PTCHD1: variants seen among roughly 807,000 people sequenced by gnomAD.
The protein encoded by PTCHD1 is patched domain containing 1.
PTCHD1 carries 3 observed loss-of-function variants against 34.6 expected under a neutral mutation model. The observed-to-expected ratio is 0.09, with a 90% CI of 0.04 to 0.22. PTCHD1 has a LOEUF of 0.22. Ranked by LOEUF, PTCHD1 falls within the 10% of genes least tolerant of loss-of-function variation. PTCHD1 has a pLI of 1.00. For synonymous variants in PTCHD1, 305 were observed against 283.1 expected, an observed-to-expected ratio of 1.08 and a Z score of -0.77; for missense variants, 504 against 685.5, an observed-to-expected ratio of 0.74 and a Z score of 2.96.
Position 23,400,596 on chromosome X carries a change from A to C in PTCHD1, c.*6411A>C, listed in dbSNP as rs1923093066. On this transcript the variant is annotated 3_prime_UTR_variant, in exon 3 of 3. Coordinates refer to ENST00000379361, the MANE Select transcript of PTCHD1 (RefSeq NM_173495.3). ...GGGGGAAGTTGGAAAATAAATGACT[A>C]TACTGTACTTGTTGGCTCTGCTGCT... The C allele has an allele frequency of 8.9e-6, 1 of 112,531 alleles. No individual in the cohort carries two copies. The highest frequency in any genetic ancestry group is 1.9e-5 in the Non-Finnish European group (1 of 53,316). The allele number at this position is 112,531 out of a possible 1,213,427, so 9.3% of individuals were successfully genotyped here.
intron 1 of PTCHD1, among the ~76,000 whole-genome samples, chrX:23,375,530 C>T (rs1046284503): frequency 8.6e-5 from 9 of 104,846 alleles, no homozygotes; most frequent in African/African-American, 3.2e-4. Flanking sequence ...CCGCCCGCCT[C>T]GGCCTCCCAA....
intron 1 of PTCHD1, among the ~76,000 whole-genome samples, chrX:23,361,288 C>T (rs1487198813): frequency 1.8e-5 from 2 of 111,542 alleles, no homozygotes; most frequent in Non-Finnish European, 3.8e-5. Flanking sequence ...GAGTCTAAGT[C>T]TCTTTGTAGG....
rs1216939069 is a variant in PTCHD1, at chrX:23,403,563, TAAACTC to T, written c.*9379_*9384del. ...AATACTTTGCAGCAAGGGGCATTAA[TAAACTC>T]TAATTTTTACCGAAAGTCAAGAGAC... On this transcript the variant is annotated 3_prime_UTR_variant, in exon 3 of 3. Coordinates refer to ENST00000379361, the MANE Select transcript of PTCHD1 (RefSeq NM_173495.3). The T allele has an allele frequency of 2.7e-5, 3 of 111,720 alleles. No homozygotes were observed. Among genetic ancestry groups the T allele is most frequent in the African/African-American group, 9.8e-5 (3 of 30,712 alleles). The allele number at this position is 111,720 out of a possible 1,213,427, so 9.2% of individuals were successfully genotyped here. A position where few individuals can be genotyped will look rare whatever the true frequency, so the allele number is the denominator to read the frequency against.
In PTCHD1 at chrX:23,387,935, G is replaced by A. The variant is rs774142926; in HGVS notation, c.1013-4596G>A. Among the ~76,000 whole-genome samples, 5 of 111,713 alleles carry A rather than the reference G, an allele frequency of 4.5e-5. No individual in the cohort carries two copies. In the East Asian group the frequency reaches 8.4e-4, roughly 19 times the overall value. ...AATCAGTATGTGTTTAACAGTTCCC[G>A]TTGGCAACTCCTCAGTCCTGCACTG... On this transcript the variant is annotated intron_variant, in intron 2 of 2. Transcript: ENST00000379361.
At chrX:23,370,473 G>T (rs1462715055) in intron 1 of PTCHD1, among the ~76,000 whole-genome samples, 1 of 112,250 alleles carries the variant, frequency 8.9e-6, no homozygotes, top group Non-Finnish European at 1.9e-5. Flanking sequence ...CAGTAGCTTT[G>T]TATGAGAACC....
chrX:23,342,296 ATATATATATATATATTTTTTTTTTT>A (rs1237369836), intron 1 of PTCHD1, among the ~76,000 whole-genome samples: 2 of 13,155 alleles, frequency 1.5e-4, no homozygotes, highest in African/African-American at 7.4e-4. Context: ...ATATATATAT[ATATATATATATATATTTTTTTTTTT>A]TTTTTTTTTT....
rs1921343980 is a variant in PTCHD1 at position 23,342,292 on chromosome X, ATATATAT to A, written c.351+7067_351+7073del. Among the ~76,000 whole-genome samples the A allele has an allele frequency of 4.2e-4, 3 of 7,065 alleles. No individual in the cohort carries two copies. The Admixed American group carries it at 9.9e-3, about 23-fold the overall frequency. 6.1% of individuals were successfully genotyped at this position (7,065 alleles called of 115,157 possible). On this transcript the variant is annotated intron_variant, in intron 1 of 2. Coordinates refer to ENST00000379361, the MANE Select transcript of PTCHD1 (RefSeq NM_173495.3). ...TATATATATATATATATATATATAT[ATATATAT>A]ATATATATATATTTTTTTTTTTTTT...
intron 1 of PTCHD1, among the ~76,000 whole-genome samples, chrX:23,355,034 G>A (rs1230386075): frequency 9.5e-6 from 1 of 105,011 alleles, no homozygotes; most frequent in Non-Finnish European, 2.0e-5. Context: ...CTTTTTTGGG[G>A]GGAGGGGGGA....
chrX:23,381,557 G>A (rs375136694), intron 2 of PTCHD1, among the ~76,000 whole-genome samples: 10 of 112,028 alleles, frequency 8.9e-5, no homozygotes, highest in East Asian at 8.4e-4. Flanking sequence ...GGAAATCTCC[G>A]CTGTGTTGTG....
At chrX:23,358,510 T>C (rs1341532232) in intron 1 of PTCHD1, among the ~76,000 whole-genome samples, 3 of 112,292 alleles carry the variant, frequency 2.7e-5, no homozygotes, top group Non-Finnish European at 5.6e-5. Flanking sequence ...TTTTTTCTTG[T>C]AAATTTGTTT....
chrX:23,371,041 G>A (rs944537904), intron 1 of PTCHD1, among the ~76,000 whole-genome samples: 1 of 110,922 alleles, frequency 9.0e-6, no homozygotes, highest in Non-Finnish European at 1.9e-5. Context: ...ACTGACGAAA[G>A]CTCAGGTAGG....
chrX:23,334,451 T>A (rs1921088512), upstream of PTCHD1: 1 of 108,900 alleles, frequency 9.2e-6, no homozygotes, highest in Non-Finnish European at 1.9e-5. Context: ...GTCGTTGGCC[T>A]TGGGGGTCGG....
rs780335343 is a variant in PTCHD1, at chrX:23,335,060, T to C, written c.185T>C (p.Leu62Pro). The change falls in exon 1 of 3, where the codon CTG becomes CCG. Residue 62 changes from leucine to proline, a missense_variant. Coordinates refer to ENST00000379361, the MANE Select transcript of PTCHD1 (RefSeq NM_173495.3). Reference protein sequence around the residue: ...VEHLLAPQHSLAKIERNLVNS... With the variant: ...VEHLLAPQHSPAKIERNLVNS... ...CACCTGCTGGCGCCCCAGCACAGCC[T>C]GGCCAAGATCGAGCGCAACCTCGTT... The C allele has an allele frequency of 8.3e-7, 1 of 1,210,929 alleles. No individual in the cohort carries two copies. The highest frequency in any genetic ancestry group is 2.2e-5 in the Admixed American group (1 of 46,058).
rs794727313 is a variant in PTCHD1, at chrX:23,379,895, A to G, written c.656A>G (p.Asn219Ser). ...IQLTYYLQSINSLNDMVAERW... is the reference protein window; with the variant it reads ...IQLTYYLQSISSLNDMVAERW... ...CTCACCTACTACCTGCAGTCAATCA[A>G]CAGTCTCAATGACATGGTGGCTGAG... Residue 219 changes from asparagine to serine, a missense_variant, in exon 2 of 3, where the codon AAC (asparagine) becomes AGC (serine). Physicochemically the swap from Asn to Ser is conservative, Grantham distance 46. Coordinates refer to ENST00000379361, the MANE Select transcript of PTCHD1 (RefSeq NM_173495.3). 3 of 1,211,849 alleles carry G rather than the reference A, an allele frequency of 2.5e-6. No homozygotes were observed. Among genetic ancestry groups the G allele is most frequent in the Middle Eastern group, 2.3e-4 (1 of 4,356 alleles).
At chrX:23,391,713 T>A (rs1207333584) in intron 2 of PTCHD1, among the ~76,000 whole-genome samples, 1 of 111,912 alleles carries the variant, frequency 8.9e-6, no homozygotes, top group South Asian at 3.8e-4. Flanking sequence ...CACTGACCCC[T>A]AGCCAGACTT....
intron 1 of PTCHD1, among the ~76,000 whole-genome samples, chrX:23,357,670 A>G (rs1921844832): frequency 9.0e-6 from 1 of 111,046 alleles, no homozygotes; most frequent in Non-Finnish European, 1.9e-5. Context: ...TATTATTATT[A>G]TTGTTATACT....
At chrX:23,338,683 C>G (rs1412608810) in intron 1 of PTCHD1, among the ~76,000 whole-genome samples, 1 of 112,107 alleles carries the variant, frequency 8.9e-6, no homozygotes, top group Non-Finnish European at 1.9e-5. Flanking sequence ...AAGGCTAGAA[C>G]CAGGACTGGA....
chrX:23,366,921 T>TACACACAC (rs61606231), intron 1 of PTCHD1, among the ~76,000 whole-genome samples: 7 of 99,347 alleles, frequency 7.0e-5, no homozygotes, highest in African/African-American at 2.6e-4. Flanking sequence ...ATGCTCCTGG[T>TACACACAC]ACACACACAC....
At chrX:23,354,401 A>T (rs1921737623) in intron 1 of PTCHD1, among the ~76,000 whole-genome samples, 1 of 103,702 alleles carries the variant, frequency 9.6e-6, no homozygotes, top group East Asian at 3.1e-4. Flanking sequence ...TGTTTGTGCC[A>T]TCTAAACATA....
Sources: allele counts gnomAD v4.1 joint callset (sites outside exome capture counted in the v4.1 genomes callset), GRCh38; gene constraint gnomAD v4.1.1; transcripts MANE v1.5; gene names NCBI Gene and HGNC (gene_info 2026-07-23, HGNC 2026-07-21).